TLN2: variants seen among roughly 807,000 people sequenced by gnomAD.
The protein encoded by TLN2 is talin-2.
In TLN2, 118 loss-of-function variants were observed where a neutral mutation model predicts 294.7. That is an observed-to-expected ratio of 0.40 (90% confidence interval 0.34 to 0.47). The LOEUF is 0.47. TLN2 is among the 20% of genes least tolerant of loss of function. The pLI is 0.84. For synonymous variants in TLN2, 1,431 were observed against 1,304.5 expected (o/e 1.10, Z -2.09); for missense variants, 3,083 against 3,282.2 (o/e 0.94, Z 1.48).
In TLN2 at chr15:62,736,872, C is replaced by T. The variant is rs2061045992; in HGVS notation, c.3359-6C>T. 2.5e-6 allele frequency: 4 copies of T among 1,612,584 alleles called. No homozygotes were observed. Among genetic ancestry groups the T allele is most frequent in the East Asian group, 2.2e-5 (1 of 44,850 alleles). Reference sequence around the variant, plus strand: ...AATTGGAAATCTGATGGACTTTTTCCCCCAGGGGTGGCTGCTAGAGAGACG... The same window carrying T: ...AATTGGAAATCTGATGGACTTTTTCTCCCAGGGGTGGCTGCTAGAGAGACG... On this transcript the variant is annotated splice_polypyrimidine_tract_variant and splice_region_variant and intron_variant, in intron 28 of 58. Coordinates refer to ENST00000636159, the MANE Select transcript of TLN2 (RefSeq NM_015059.3).
intron 54 of TLN2, among the ~76,000 whole-genome samples, chr15:62,825,818 A>ATATATAT (rs377038608): frequency 0.039 from 2,866 of 73,296 alleles, 330 homozygotes; most frequent in African/African-American, 0.14. Flanking sequence ...TTATATTATA[A>ATATATAT]TATATATTAT....
intron 4 of TLN2, among the ~76,000 whole-genome samples, chr15:62,648,285 G>A (rs998419240): frequency 2.6e-5 from 4 of 151,608 alleles, no homozygotes; most frequent in South Asian, 2.1e-4. Context: ...GCTGAGTGTC[G>A]TGGTATGTGC....
chr15:62,401,441 A>G (rs921371130), intron 1 of TLN2, among the ~76,000 whole-genome samples: 1 of 152,176 alleles, frequency 6.6e-6, no homozygotes, highest in Non-Finnish European at 1.5e-5. Flanking sequence ...AGTGCAGGAA[A>G]CAAAGAGACC....
At chr15:62,610,163 C>T (rs756976997) in intron 2 of TLN2, among the ~76,000 whole-genome samples, 5 of 152,306 alleles carry the variant, frequency 3.3e-5, no homozygotes, top group Non-Finnish European at 5.9e-5. Flanking sequence ...ATGCTCTTTG[C>T]TATTGGATGT....
chr15:62,457,374 T>A (rs1302150390), intron 1 of TLN2, among the ~76,000 whole-genome samples: 2 of 152,140 alleles, frequency 1.3e-5, no homozygotes, highest in African/African-American at 4.8e-5. Context: ...CCTAATTATC[T>A]CCCTAAGGCA....
At position 62,694,385 on chromosome 15, in the gene TLN2, C is replaced by T; in HGVS notation, c.1285C>T (p.Pro429Ser). The change falls in exon 14 of 59, where the codon CCA becomes TCA. Residue 429 changes from proline to serine, a missense_variant. Physicochemically the swap from Pro to Ser is moderately conservative, Grantham distance 74. Coordinates refer to ENST00000636159, the MANE Select transcript of TLN2 (RefSeq NM_015059.3). ...ESTMLEESVS[P>S]KKSTILQQQF... ...AACCATGTTAGAAGAGTCCGTTTCC[C>T]CAAAAAAGTAAGTATTATGAAGAGT... is the stretch of plus-strand genomic sequence containing the variant. The T allele has an allele frequency of 1.9e-6, 3 of 1,613,666 alleles. No homozygotes were observed. The highest frequency in any genetic ancestry group is 2.5e-6 in the Non-Finnish European group (3 of 1,179,796).
At chr15:62,542,200 CT>C (rs542322241) in intron 1 of TLN2, among the ~76,000 whole-genome samples, 3 of 151,070 alleles carry the variant, frequency 2.0e-5, no homozygotes, top group Middle Eastern at 3.2e-3. Context: ...TTAGTATTTT[CT>C]TTTTTTTTGA....
At chr15:62,547,138 G>A (rs1227778927) in intron 1 of TLN2, among the ~76,000 whole-genome samples, 1 of 152,208 alleles carries the variant, frequency 6.6e-6, no homozygotes, top group East Asian at 1.9e-4. Flanking sequence ...ATATGTATTT[G>A]TAAAGATACC....
chr15:62,492,040 G>A (rs984102418), intron 1 of TLN2, among the ~76,000 whole-genome samples: 55 of 152,176 alleles, frequency 3.6e-4, no homozygotes, highest in African/African-American at 1.1e-3. Flanking sequence ...ATTACTAAAT[G>A]TCTAACAGAA....
intron 1 of TLN2, among the ~76,000 whole-genome samples, chr15:62,394,595 A>G (rs1208717479): frequency 6.6e-6 from 1 of 152,230 alleles, no homozygotes; most frequent in East Asian, 1.9e-4. Context: ...AATGGTGGGT[A>G]TGACCAGATG....
intron 1 of TLN2, among the ~76,000 whole-genome samples, chr15:62,503,558 A>G (rs1021935979): frequency 6.6e-6 from 1 of 152,244 alleles, no homozygotes; most frequent in South Asian, 2.1e-4. Context: ...AAAGGAAATA[A>G]CAATGTCTGT....
intron 50 of TLN2, among the ~76,000 whole-genome samples, chr15:62,803,079 T>C (rs900226781): frequency 6.6e-6 from 1 of 152,240 alleles, no homozygotes; most frequent in Non-Finnish European, 1.5e-5. Flanking sequence ...CATTTGTCTG[T>C]TTTCATCAGC....
At position 62,484,060 on chromosome 15, in the gene TLN2, A is replaced by AGCT. The variant is rs561043517; in HGVS notation, c.-238+93388_-238+93390dup. Among the ~76,000 whole-genome samples the AGCT allele has an allele frequency of 1.9e-4, 29 of 152,270 alleles. No homozygotes were observed. The South Asian group carries it at 6.0e-3, about 32-fold the overall frequency. ...CCTTGCTGCCCCCAGTTTACTGTCC[A>AGCT]GCTGCTGCTGCTGCTTGGGCCTGCA... is the stretch of plus-strand genomic sequence containing the variant. On this transcript the variant is annotated intron_variant, in intron 1 of 58. Transcript: ENST00000636159.
At chr15:62,438,449 C>T (rs1223963242) in intron 1 of TLN2, among the ~76,000 whole-genome samples, 1 of 152,192 alleles carries the variant, frequency 6.6e-6, no homozygotes, top group African/African-American at 2.4e-5. Flanking sequence ...GCACCTTTAT[C>T]TGCTGAGATT....
rs766964116 is a variant in TLN2, at chr15:62,647,285, T to C, written c.-26T>C. ...CTTTGTGTTTTCCAGACATTCTAAG[T>C]GAGACTGTCCACATCATCTAGGAAA... On this transcript the variant is annotated 5_prime_UTR_variant, in exon 4 of 59. The change abolishes the stop of an existing upstream ORF in the 5' untranslated region. Transcript: ENST00000636159. The C allele has an allele frequency of 2.5e-6, 4 of 1,609,988 alleles. No individual in the cohort carries two copies. The highest frequency in any genetic ancestry group is 3.4e-6 in the Non-Finnish European group (4 of 1,177,046).
In TLN2 at chr15:62,611,341, A is replaced by G. The variant is rs375307943; in HGVS notation, c.-161-7010A>G. On this transcript the variant is annotated intron_variant, in intron 2 of 58. Coordinates refer to ENST00000636159, the MANE Select transcript of TLN2 (RefSeq NM_015059.3). ...AGCACCTGCTGTTTTCTCTAGGCTCAGGTATGGATGCTGGGTGTTGTAAGA... is the reference window on the plus strand; with the variant it reads ...AGCACCTGCTGTTTTCTCTAGGCTCGGGTATGGATGCTGGGTGTTGTAAGA... Among the ~76,000 whole-genome samples the G allele has an allele frequency of 7.6e-4, 115 of 152,300 alleles. 2 individuals carry two copies. The South Asian group carries it at 0.023, about 31-fold the overall frequency.
At chr15:62,547,577 A>G (rs1030516814) in intron 1 of TLN2, among the ~76,000 whole-genome samples, 7 of 152,254 alleles carry the variant, frequency 4.6e-5, no homozygotes, top group African/African-American at 1.4e-4. Flanking sequence ...GAAAGGGGAT[A>G]TAAAAGACTT....
chr15:62,470,746 A>C (rs1445902421), intron 1 of TLN2, among the ~76,000 whole-genome samples: 1 of 152,142 alleles, frequency 6.6e-6, no homozygotes, highest in Non-Finnish European at 1.5e-5. Flanking sequence ...TGGGAGAGAA[A>C]GGTGGGGGCA....
At chr15:62,510,151 CA>C (rs2039854594) in intron 1 of TLN2, among the ~76,000 whole-genome samples, 1 of 152,164 alleles carries the variant, frequency 6.6e-6, no homozygotes, top group African/African-American at 2.4e-5. Flanking sequence ...GATGTGGTCC[CA>C]GTACCCCAAA....
Sources: gnomAD v4.1 joint callset for allele counts (sites outside exome capture counted in the v4.1 genomes callset) on GRCh38, gnomAD v4.1.1 for gene constraint, MANE v1.5 for transcripts, NCBI Gene and HGNC (gene_info 2026-07-23, HGNC 2026-07-21) for gene names.